Variants in SHANK2 observed in about 807,000 individuals in gnomAD.
SHANK2 encodes SH3 and multiple ankyrin repeat domains protein 2.
In SHANK2, 43 loss-of-function variants were observed where a neutral mutation model predicts 133.7. That is an observed-to-expected ratio of 0.32 (90% confidence interval 0.25 to 0.41). The LOEUF (loss-of-function observed/expected upper bound fraction) is 0.41. Ranked by LOEUF, SHANK2 falls within the 10% of genes least tolerant of loss-of-function variation. The probability of loss-of-function intolerance (pLI) is 1.00; values close to 1 mark genes in which losing one functional copy is unlikely to be tolerated. For missense variants in SHANK2, 1,994 were observed against 2,235.8 expected (o/e 0.89, Z 2.18); for synonymous variants, 1,017 against 952.8 (o/e 1.07, Z -1.24).
At chr11:70,683,148 T>A (rs377681503) in intron 15 of SHANK2, among the ~76,000 whole-genome samples, 74 of 152,238 alleles carry the variant, frequency 4.9e-4, no homozygotes, top group Non-Finnish European at 6.0e-4. Context: ...TGAAATTTTT[T>A]AATTTTATTT....
At position 71,119,160 on chromosome 11, in the gene SHANK2, C is replaced by T. The variant is rs187204872; in HGVS notation, c.208-128G>A. The T allele has an allele frequency of 7.0e-6, 5 of 709,460 alleles. No individual in the cohort carries two copies. The African/African-American group carries it at 8.9e-5, about 13-fold the overall frequency. 43.9% of individuals were successfully genotyped at this position (709,460 alleles called of 1,614,324 possible). A position where few individuals can be genotyped will look rare whatever the true frequency, so the allele number is the denominator to read the frequency against. ...CCGACACTTCCTCTGAGCAGTGAAC[C>T]CACGGCTTTTCACAGTGAAAAATAA... On this transcript the variant is annotated intron_variant, in intron 3 of 25. Coordinates refer to ENST00000601538, the MANE Select transcript of SHANK2 (RefSeq NM_012309.5).
intron 15 of SHANK2, among the ~76,000 whole-genome samples, chr11:70,672,061 TTTTTC>T (rs1944821189): frequency 9.9e-6 from 1 of 100,996 alleles, no homozygotes; most frequent in Non-Finnish European, 2.2e-5. Flanking sequence ...TTTTCTTTTC[TTTTTC>T]TTTTTTTTTT....
chr11:70,878,702 G>C (rs1322415170), intron 11 of SHANK2, among the ~76,000 whole-genome samples: 1 of 152,138 alleles, frequency 6.6e-6, no homozygotes, highest in Non-Finnish European at 1.5e-5. Context: ...CCATGAGTTT[G>C]CCATGAGAGG....
At chr11:70,626,218 C>A (rs573667458) in intron 17 of SHANK2, among the ~76,000 whole-genome samples, 1 of 152,176 alleles carries the variant, frequency 6.6e-6, no homozygotes, top group Non-Finnish European at 1.5e-5. Context: ...CCACTCAATG[C>A]CTCATCCTCT....
chr11:71,132,063 A>G (rs1952319671), intron 3 of SHANK2, among the ~76,000 whole-genome samples: 1 of 152,226 alleles, frequency 6.6e-6, no homozygotes, highest in Admixed American at 6.5e-5. Flanking sequence ...GAGGTCAGAA[A>G]GTGGATTAGC....
chr11:70,518,502 C>T (rs1554970467), intron 17 of SHANK2, among the ~76,000 whole-genome samples: 1 of 152,226 alleles, frequency 6.6e-6, no homozygotes, highest in Non-Finnish European at 1.5e-5. Flanking sequence ...AAGATGCACA[C>T]GTCACATCTG....
rs1951537749 is a variant in SHANK2 at position 71,092,557 on chromosome 11, A to G, written c.777T>C (p.Tyr259=). The G allele has an allele frequency of 6.4e-7, 1 of 1,552,002 alleles. No individual in the cohort carries two copies. Among genetic ancestry groups the G allele is most frequent in the Non-Finnish European group, 8.7e-7 (1 of 1,147,072 alleles). Reference sequence around the variant, plus strand: ...GCGGGGTGAGGCCGTAACTGTCTTTATAATCTGGGGATGCACCAAGCTCTA... The same window carrying G: ...GCGGGGTGAGGCCGTAACTGTCTTTGTAATCTGGGGATGCACCAAGCTCTA... ...TLLELGASPD[Y]KDSYGLTPLY... Residue 259 remains tyrosine (Y), a synonymous_variant, in exon 8 of 26, where the codon TAT becomes TAC. Coordinates refer to ENST00000601538, the MANE Select transcript of SHANK2 (RefSeq NM_012309.5).
At chr11:70,764,529 C>T (rs529455059) in intron 14 of SHANK2, among the ~76,000 whole-genome samples, 1 of 149,920 alleles carries the variant, frequency 6.7e-6, no homozygotes, top group South Asian at 2.1e-4. Context: ...ATCCATTCAC[C>T]CACCCATCCA....
chr11:70,656,515 T>C (rs1300771572), intron 17 of SHANK2, among the ~76,000 whole-genome samples: 1 of 152,144 alleles, frequency 6.6e-6, no homozygotes, highest in Non-Finnish European at 1.5e-5. Flanking sequence ...TCCCACGGCC[T>C]CTGAAATCTC....
chr11:70,544,029 A>G (rs2059657095), intron 17 of SHANK2, among the ~76,000 whole-genome samples: 1 of 152,216 alleles, frequency 6.6e-6, no homozygotes, highest in Non-Finnish European at 1.5e-5. Flanking sequence ...CTATAGCCTC[A>G]CAGTCCCCCC....
At chr11:70,828,775 C>T (rs1389655245) in intron 11 of SHANK2, among the ~76,000 whole-genome samples, 9 of 152,178 alleles carry the variant, frequency 5.9e-5, no homozygotes, top group African/African-American at 1.2e-4. Flanking sequence ...CTGGGGGACC[C>T]GGCTGGTCGT....
chr11:70,927,782 C>T (rs10160394), intron 10 of SHANK2, among the ~76,000 whole-genome samples: 4,857 of 152,158 alleles, frequency 0.032, 236 homozygotes, highest in African/African-American at 0.11. Context: ...GCATTTGAAT[C>T]GGTAAACCCA....
chr11:70,485,746 A>T lies in SHANK2; in HGVS notation c.4547T>A (p.Ile1516Asn). 6.2e-7 allele frequency: 1 copy of T among 1,613,954 alleles called. No individual in the cohort carries two copies. Among genetic ancestry groups the T allele is most frequent in the Non-Finnish European group, 8.5e-7 (1 of 1,180,006 alleles). ...TTSTISTVSS[I>N]STLSSEGGEN... ...TCCACCTTCGGAAGACAGGGTGGAG[A>T]TGCTAGACACGGTGGAGATAGTGCT... The change falls in exon 25 of 26, where the codon ATC (isoleucine) becomes AAC (asparagine). Residue 1516 changes from isoleucine to asparagine, a missense_variant. Transcript: ENST00000601538. This position sits in a 1 kb window ranked among gnomAD's most constrained non-coding sequence, Gnocchi z 5.8.
At chr11:70,783,738 A>T (rs1156585505) in intron 14 of SHANK2, among the ~76,000 whole-genome samples, 8 of 152,094 alleles carry the variant, frequency 5.3e-5, no homozygotes, top group Non-Finnish European at 1.5e-5. Flanking sequence ...TTGTTTTATA[A>T]CTGCCCACTG....
intron 17 of SHANK2, among the ~76,000 whole-genome samples, chr11:70,553,488 CACA>C (rs1213451268): frequency 6.6e-6 from 1 of 152,170 alleles, no homozygotes; most frequent in Non-Finnish European, 1.5e-5. Context: ...TTTTGAGGGA[CACA>C]ACTCAGCTGT....
At chr11:71,248,800 CCCCCA>C (rs1300602138) in intron 1 of SHANK2, among the ~76,000 whole-genome samples, 2 of 152,078 alleles carry the variant, frequency 1.3e-5, no homozygotes, top group African/African-American at 4.8e-5. Flanking sequence ...GGTTTGTATC[CCCCCA>C]CCCCACCCCA....
chr11:71,141,596 G>A (rs1555105814), intron 3 of SHANK2, among the ~76,000 whole-genome samples: 1 of 152,170 alleles, frequency 6.6e-6, no homozygotes, highest in Non-Finnish European at 1.5e-5. Context: ...ATGTGGAACT[G>A]TGAGTCTATT....
chr11:71,178,661 A>C (rs7945928), intron 2 of SHANK2, among the ~76,000 whole-genome samples: 46,192 of 150,688 alleles, frequency 0.31, 7,188 homozygotes, highest in East Asian at 0.43. Context: ...AATACAAATA[A>C]AAAGTAACTG....
intron 14 of SHANK2, among the ~76,000 whole-genome samples, chr11:70,728,945 C>T (rs1269921595): frequency 1.3e-5 from 2 of 152,114 alleles, no homozygotes; most frequent in African/African-American, 4.8e-5. Flanking sequence ...TGGCTCATGC[C>T]TGTAATCCTA....
Sources: gnomAD v4.1 joint callset for allele counts (sites outside exome capture counted in the v4.1 genomes callset) on GRCh38, gnomAD v4.1.1 for gene constraint, Gnocchi (gnomAD v3.1) non-coding constraint, MANE v1.5 for transcripts, NCBI Gene and HGNC (gene_info 2026-07-23, HGNC 2026-07-21) for gene names.